Variants in ARMC2 observed in about 807,000 individuals in gnomAD.
ARMC2 encodes the protein armadillo repeat-containing protein 2.
ARMC2 carries 67 observed loss-of-function variants against 90.3 expected under a neutral mutation model. That is an observed-to-expected ratio of 0.74 (90% CI 0.61 to 0.91). The LOEUF is 0.91. Ranked by LOEUF, ARMC2 falls within the 40% of genes least tolerant of loss-of-function variation. The pLI, the probability that ARMC2 is intolerant of heterozygous loss-of-function variation, is 0.00. For synonymous variants in ARMC2, 393 were observed against 393.0 expected (o/e 1.00, Z 0.00); for missense variants, 920 against 1,030.9 (o/e 0.89, Z 1.47).
chr6:108,980,515 C>T, the ARMC2 span, among the ~76,000 whole-genome samples: 1 of 120,402 alleles, frequency 8.3e-6, no homozygotes, highest in Admixed American at 7.7e-5. Flanking sequence ...CAGGAGTTCT[C>T]CTGAGGAGAA....
chr6:108,953,265 T>G lies in ARMC2; in HGVS notation c.1829T>G (p.Val610Gly), dbSNP rs756440360. 6.2e-7 allele frequency: 1 copy of G among 1,613,360 alleles called. No individual in the cohort carries two copies. Among genetic ancestry groups the G allele is most frequent in the Non-Finnish European group, 8.5e-7 (1 of 1,179,894 alleles). The change falls in exon 13 of 18, where the codon GTG becomes GGG. Residue 610 changes from valine to glycine, a missense_variant. Physicochemically the swap from Val to Gly is moderately radical, Grantham distance 109. Coordinates refer to ENST00000392644, the MANE Select transcript of ARMC2 (RefSeq NM_032131.6). ...AEDVLIKLTR[V>G]LANIAIHPGV... ...GACGTGCTCATCAAGCTGACTCGTG[T>G]GCTGGCCAACATTGCCATCCACCCG... is the stretch of plus-strand genomic sequence containing the variant.
At chr6:108,919,268 G>A (rs1269374871) in intron 10 of ARMC2, among the ~76,000 whole-genome samples, 1 of 152,214 alleles carries the variant, frequency 6.6e-6, no homozygotes, top group African/African-American at 2.4e-5. Context: ...TAAATGTAGA[G>A]ATTAATGCAT....
intron 5 of ARMC2, among the ~76,000 whole-genome samples, chr6:108,880,484 A>G (rs888055197): frequency 1.4e-4 from 22 of 152,184 alleles, no homozygotes; most frequent in African/African-American, 5.1e-4. Flanking sequence ...GTGGTCTTGG[A>G]GCTGACAGTG....
intron 13 of ARMC2, among the ~76,000 whole-genome samples, chr6:108,955,393 G>C (rs892425428): frequency 6.6e-6 from 1 of 152,252 alleles, no homozygotes; most frequent in Middle Eastern, 3.4e-3. Flanking sequence ...GGAGCTTTAC[G>C]GTTGAAAACG....
intron 2 of ARMC2, 44 bp downstream of exon 2, chr6:108,854,529 C>G: frequency 6.5e-7 from 1 of 1,529,966 alleles, no homozygotes; most frequent in Middle Eastern, 1.7e-4. Context: ...TATTTAAGCA[C>G]CAGGTTATAC....
chr6:109,017,628 C>T, the ARMC2 span, among the ~76,000 whole-genome samples: 3 of 152,080 alleles, frequency 2.0e-5, no homozygotes, highest in Non-Finnish European at 4.4e-5. Context: ...GCAGAAATCT[C>T]TTAATTCGAG....
At chr6:108,966,954 C>A (rs1778415337) in intron 17 of ARMC2, among the ~76,000 whole-genome samples, 1 of 152,048 alleles carries the variant, frequency 6.6e-6, no homozygotes, top group Non-Finnish European at 1.5e-5. Flanking sequence ...AAGAAAGAAG[C>A]CAGGAAACAA....
chr6:108,879,892 A>C, intron 5 of ARMC2: 1 of 467,258 alleles, frequency 2.1e-6, no homozygotes, highest in Non-Finnish European at 4.4e-6. Flanking sequence ...TATAAAATGG[A>C]AATAACTCTG....
intron 3 of ARMC2, among the ~76,000 whole-genome samples, chr6:108,860,983 G>A (rs1267270212): frequency 6.6e-6 from 1 of 152,124 alleles, no homozygotes; most frequent in Non-Finnish European, 1.5e-5. Flanking sequence ...AACAATAAGG[G>A]TACTTACAGT....
chr6:108,926,921 CT>C (rs34646224), intron 10 of ARMC2, among the ~76,000 whole-genome samples: 41,980 of 137,988 alleles, frequency 0.3, 6,803 homozygotes, highest in Admixed American at 0.37. Flanking sequence ...TTATTTGAAG[CT>C]TTTTTTTTTT....
intron 10 of ARMC2, among the ~76,000 whole-genome samples, chr6:108,915,294 A>C (rs1006739091): frequency 1.3e-5 from 2 of 152,124 alleles, no homozygotes; most frequent in African/African-American, 2.4e-5. Flanking sequence ...CAATTGAAAA[A>C]ATAAATAAAT....
intron 8 of ARMC2, among the ~76,000 whole-genome samples, chr6:108,905,829 T>C (rs1168309062): frequency 6.6e-6 from 1 of 152,156 alleles, no homozygotes; most frequent in East Asian, 1.9e-4. Context: ...AGTGCAGAGC[T>C]GGGTAGGTTT....
chr6:109,001,889 G>A, the ARMC2 span, among the ~76,000 whole-genome samples: 2 of 152,156 alleles, frequency 1.3e-5, no homozygotes, highest in African/African-American at 4.8e-5. Flanking sequence ...TGAAAATAAA[G>A]CATAGATGCT....
At chr6:108,917,314 T>C (rs1383976311) in intron 10 of ARMC2, among the ~76,000 whole-genome samples, 1 of 152,014 alleles carries the variant, frequency 6.6e-6, no homozygotes, top group Non-Finnish European at 1.5e-5. Flanking sequence ...CAAATCCAGA[T>C]CCTCTCCCCC....
intron 3 of ARMC2, among the ~76,000 whole-genome samples, chr6:108,864,151 G>A (rs1029505255): frequency 8.5e-5 from 13 of 152,138 alleles, no homozygotes; most frequent in Non-Finnish European, 1.6e-4. Context: ...AAGAGTGACA[G>A]AGGACCCCAG....
downstream of ARMC2, among the ~76,000 whole-genome samples, chr6:108,977,437 A>C (rs1299703794): frequency 6.6e-6 from 1 of 152,208 alleles, no homozygotes; most frequent in Non-Finnish European, 1.5e-5. Context: ...GATGTTCATC[A>C]GGGATATTGG....
rs1408703311 is a variant in ARMC2, at chr6:108,962,071, T to C, written c.2096T>C (p.Val699Ala). ...GATGGAATCCTGGAGGCTGTGCGTGTTTTCGGAAATCTCTCCCAGGACCAT... is the reference window on the plus strand; with the variant it reads ...GATGGAATCCTGGAGGCTGTGCGTGCTTTCGGAAATCTCTCCCAGGACCAT... ...NMDGILEAVR[V>A]FGNLSQDHDV... Residue 699 changes from valine to alanine, a missense_variant, in exon 15 of 18, where the codon GTT (valine) becomes GCT (alanine). Transcript: ENST00000392644. The C allele has an allele frequency of 1.2e-6, 2 of 1,613,560 alleles. No homozygotes were observed. Among genetic ancestry groups the C allele is most frequent in the Admixed American group, 3.3e-5 (2 of 59,980 alleles).
At chr6:108,895,573 G>A (rs548807190) in intron 6 of ARMC2, among the ~76,000 whole-genome samples, 2 of 151,118 alleles carry the variant, frequency 1.3e-5, no homozygotes, top group South Asian at 4.2e-4. Context: ...AAGTGTTTGA[G>A]AAAATATATA....
intron 10 of ARMC2, among the ~76,000 whole-genome samples, chr6:108,922,487 A>G (rs1774681437): frequency 6.6e-6 from 1 of 152,188 alleles, no homozygotes; most frequent in Non-Finnish European, 1.5e-5. Flanking sequence ...TTCTCAATTA[A>G]TTAATAGTTG....
Sources: allele counts gnomAD v4.1 joint callset (sites outside exome capture counted in the v4.1 genomes callset), GRCh38; gene constraint gnomAD v4.1.1; transcripts MANE v1.5; gene names NCBI Gene and HGNC (gene_info 2026-07-23, HGNC 2026-07-21).